The following OOEP variants were observed in gnomAD, a reference collection of about 807,000 sequenced individuals.
The protein encoded by OOEP is oocyte expressed protein.
Under a neutral mutation model 13.7 loss-of-function variants are expected in OOEP, and 16 were observed. The ratio of observed to expected loss-of-function variants is 1.16; its 90% CI spans 0.79 to 1.77. The LOEUF (loss-of-function observed/expected upper bound fraction) is 1.77, where lower values mean the gene tolerates loss of function less well. Ranked by LOEUF, OOEP falls within the 40% of genes most tolerant of loss-of-function variation. OOEP has a pLI of 0.00. For synonymous variants in OOEP, 89 were observed against 77.1 expected (o/e 1.15, Z -0.81); for missense variants, 195 against 193.1 (o/e 1.01, Z -0.06).
intron 2 of OOEP, among the ~76,000 whole-genome samples, chr6:73,379,417 G>T (rs1296276512): frequency 6.6e-6 from 1 of 151,334 alleles, no homozygotes; most frequent in African/African-American, 2.4e-5. Context: ...GCCAAGGCGG[G>T]TGGATCACTT....
At chr6:73,370,546 CA>C (rs1769033833), upstream of OOEP, among the ~76,000 whole-genome samples, 4 of 152,150 alleles carry the variant, frequency 2.6e-5, no homozygotes, top group South Asian at 8.3e-4. Context: ...CCGAGTTTAA[CA>C]GATGTTGACA....
At chr6:73,371,660 G>A (rs1305709877), upstream of OOEP, among the ~76,000 whole-genome samples, 1 of 151,886 alleles carries the variant, frequency 6.6e-6, no homozygotes, top group East Asian at 1.9e-4. Flanking sequence ...TGAGGCAGGA[G>A]AATCACTTGA....
At chr6:73,380,390 C>T (rs1411238227) in intron 2 of OOEP, among the ~76,000 whole-genome samples, 1 of 151,792 alleles carries the variant, frequency 6.6e-6, no homozygotes, top group Non-Finnish European at 1.5e-5. Flanking sequence ...TATTGAAATG[C>T]ACCAATAACA....
At chr6:73,379,729 A>G (rs1304943412) in intron 2 of OOEP, among the ~76,000 whole-genome samples, 5 of 149,846 alleles carry the variant, frequency 3.3e-5, no homozygotes, top group African/African-American at 1.2e-4. Flanking sequence ...CTGGTTTCTC[A>G]TATCTTTTTT....
rs1208714946 is a variant in OOEP, at chr6:73,394,624, TG to T, written c.-119+94del. On this transcript the variant is annotated intron_variant, in intron 1 of 3. Coordinates refer to the OOEP transcript ENST00000370363. ...TGGAAAGGAATACACAGTGGGGGGGTGGGGGGCGGGGCACATCGACTACTTC... is the reference window on the plus strand; with the variant it reads ...TGGAAAGGAATACACAGTGGGGGGGTGGGGGCGGGGCACATCGACTACTTC... 179 of 199,968 alleles carry T rather than the reference TG, an allele frequency of 9.0e-4. 3 individuals are homozygous for T. The highest frequency in any genetic ancestry group is 7.7e-3 in the African/African-American group (169 of 22,000). The allele number at this position is 199,968 out of a possible 1,614,324, so 12.4% of individuals were successfully genotyped here. A position where few individuals can be genotyped will look rare whatever the true frequency, so the allele number is the denominator to read the frequency against.
chr6:73,393,348 C>T (rs1769377591), intron 2 of OOEP, among the ~76,000 whole-genome samples: 1 of 151,998 alleles, frequency 6.6e-6, no homozygotes, highest in Admixed American at 6.6e-5. Context: ...GCCTAGGCCT[C>T]CTAAAGTGTT....
At chr6:73,384,953 T>C (rs887926188) in intron 2 of OOEP, among the ~76,000 whole-genome samples, 1 of 151,654 alleles carries the variant, frequency 6.6e-6, no homozygotes, top group South Asian at 2.1e-4. Flanking sequence ...CCCAGTCTGC[T>C]CTTGAACTCC....
intron 2 of OOEP, among the ~76,000 whole-genome samples, chr6:73,392,285 C>A (rs1769357130): frequency 6.6e-6 from 1 of 152,108 alleles, no homozygotes; most frequent in South Asian, 2.1e-4. Context: ...AGATTAAATG[C>A]CTATCATTTA....
chr6:73,369,463 G>A (rs1769009794), intron 1 of OOEP, 78 bp from the exon 2 acceptor site: 1 of 1,530,300 alleles, frequency 6.5e-7, no homozygotes, highest in South Asian at 1.2e-5. Flanking sequence ...TGTTGGCCAG[G>A]GAAGGGAAGA....
chr6:73,378,762 GC>G (rs1462594136), intron 2 of OOEP, among the ~76,000 whole-genome samples: 1 of 151,750 alleles, frequency 6.6e-6, no homozygotes, highest in Non-Finnish European at 1.5e-5. Flanking sequence ...TACTTGGGAG[GC>G]TGAGGTAGGA....
chr6:73,394,989 G>C (rs1236984053), exon 1 of OOEP: 6 of 1,614,164 alleles, frequency 3.7e-6, no homozygotes, highest in Non-Finnish European at 5.1e-6. Context: ...GAGCGCCAGA[G>C]AGGAGGCCGG....
intron 2 of OOEP, among the ~76,000 whole-genome samples, chr6:73,392,987 C>T (rs1053714044): frequency 3.3e-5 from 5 of 151,722 alleles, no homozygotes; most frequent in Non-Finnish European, 7.4e-5. Flanking sequence ...AGGCTGGTCA[C>T]GAGCTCCAGA....
At chr6:73,374,217 A>G (rs1364558191), upstream of OOEP, among the ~76,000 whole-genome samples, 1 of 152,106 alleles carries the variant, frequency 6.6e-6, no homozygotes, top group African/African-American at 2.4e-5. Context: ...GTACAATTTT[A>G]TGTATTTTTT....
At chr6:73,394,866 C>G in exon 1 of OOEP, 2 of 1,605,460 alleles carry the variant, frequency 1.2e-6, no homozygotes, top group Non-Finnish European at 1.7e-6. Context: ...TGGTGCAGAG[C>G]TGGACGGCAA....
At chr6:73,392,677 G>A (rs1387982853) in intron 2 of OOEP, among the ~76,000 whole-genome samples, 1 of 118,006 alleles carries the variant, frequency 8.5e-6, no homozygotes, top group African/African-American at 3.3e-5. Context: ...CTGTCATCAG[G>A]CTGAAGTGCA....
upstream of OOEP, among the ~76,000 whole-genome samples, chr6:73,371,884 C>T (rs1769063955): frequency 6.6e-6 from 1 of 152,140 alleles, no homozygotes; most frequent in Admixed American, 6.5e-5. Flanking sequence ...GCCAAAATGG[C>T]ACCACTACAC....
Position 73,376,358 on chromosome 6 carries a change from T to G in OOEP, c.26-6973A>C, listed in dbSNP as rs868809933. On this transcript the variant is annotated intron_variant, in intron 2 of 3. Coordinates refer to the OOEP transcript ENST00000370363. ...GACAAGGGGTTGTTTTTTTTTTTTT[T>G]TTTTTTTTTTTTTTGAATACAACAT... Among the ~76,000 whole-genome samples, 73 of 147,906 alleles carry G rather than the reference T, an allele frequency of 4.9e-4. 1 individual carries two copies. Among genetic ancestry groups the G allele is most frequent in the East Asian group, 1.8e-3 (9 of 5,084 alleles).
intron 2 of OOEP, among the ~76,000 whole-genome samples, chr6:73,384,550 C>T (rs1401770362): frequency 3.3e-5 from 5 of 152,004 alleles, no homozygotes; most frequent in South Asian, 4.1e-4. Flanking sequence ...AATGAGCAAA[C>T]TTGGTTGGGC....
Position 73,369,870 on chromosome 6 carries a change from C to A in OOEP, c.-78G>T. 1 of 1,372,270 alleles carries A rather than the reference C, an allele frequency of 7.3e-7. No homozygotes were observed. The highest frequency in any genetic ancestry group is 1.3e-5 in the South Asian group (1 of 79,352). The allele number at this position is 1,372,270 out of a possible 1,614,324, so 85.0% of individuals were successfully genotyped here. ...TCCAGACCCAGGCGCGAAGCTCGGG[C>A]TCTCTTTTACCATATTCGACCCGCT... is the stretch of plus-strand genomic sequence containing the variant. On this transcript the variant is annotated 5_prime_UTR_variant, in exon 1 of 3. Transcript: ENST00000370359.
Sources: allele counts gnomAD v4.1 joint callset (sites outside exome capture counted in the v4.1 genomes callset), GRCh38; gene constraint gnomAD v4.1.1; transcripts MANE v1.5; gene names NCBI Gene and HGNC (gene_info 2026-07-23, HGNC 2026-07-21).